Variants in USH2A observed in about 807,000 individuals in gnomAD.
USH2A encodes Usher syndrome 2A (autosomal recessive, mild).
Under a neutral mutation model 538.9 loss-of-function variants are expected in USH2A, and 443 were observed. That is an observed-to-expected ratio of 0.82 (90% CI 0.76 to 0.89). The LOEUF (loss-of-function observed/expected upper bound fraction) is 0.89, where lower values mean the gene tolerates loss of function less well. Among genes scored for constraint, USH2A ranks in the 40% least tolerant of loss-of-function variants. The probability of loss-of-function intolerance (pLI) is 0.00; values close to 1 mark genes in which losing one functional copy is unlikely to be tolerated. For missense variants in USH2A, 6,633 were observed against 6,324.8 expected (o/e 1.05, Z -1.65); for synonymous variants, 2,413 against 2,273.5 (o/e 1.06, Z -1.75).
At chr1:215,855,101 T>C (rs1664126451) in intron 44 of USH2A, among the ~76,000 whole-genome samples, 1 of 152,256 alleles carries the variant, frequency 6.6e-6, no homozygotes, top group East Asian at 1.9e-4. Flanking sequence ...TTAACTCCTA[T>C]ATCAATAGTA....
chr1:215,953,542 C>T (rs911467291), intron 37 of USH2A, among the ~76,000 whole-genome samples: 20 of 152,204 alleles, frequency 1.3e-4, no homozygotes, highest in African/African-American at 4.8e-4. Flanking sequence ...CCCTTCCTTA[C>T]ACCTTATACA....
chr1:215,696,076 C>A (rs1658799433), intron 61 of USH2A, among the ~76,000 whole-genome samples: 1 of 152,080 alleles, frequency 6.6e-6, no homozygotes, highest in African/African-American at 2.4e-5. Flanking sequence ...TCCCCCGGAA[C>A]TTAACTACTA....
intron 56 of USH2A, among the ~76,000 whole-genome samples, chr1:215,765,200 C>G (rs1432328488): frequency 6.6e-6 from 1 of 152,028 alleles, no homozygotes; most frequent in Non-Finnish European, 1.5e-5. Flanking sequence ...TTGATAGATC[C>G]TTTAGAAATT....
intron 61 of USH2A, among the ~76,000 whole-genome samples, chr1:215,680,812 C>T (rs1283083882): frequency 6.6e-6 from 1 of 152,198 alleles, no homozygotes; most frequent in African/African-American, 2.4e-5. Context: ...CTGAACACCC[C>T]TAATTTCCAA....
At chr1:215,806,774 TC>T (rs1197711303) in intron 49 of USH2A, among the ~76,000 whole-genome samples, 1 of 152,030 alleles carries the variant, frequency 6.6e-6, no homozygotes, top group Non-Finnish European at 1.5e-5. Context: ...CTCCCCCATT[TC>T]CCTGTAGTTC....
At chr1:216,099,483 TAA>T (rs1477350185) in intron 21 of USH2A, among the ~76,000 whole-genome samples, 9 of 151,954 alleles carry the variant, frequency 5.9e-5, no homozygotes, top group South Asian at 4.1e-4. Flanking sequence ...TGGAAGAAAT[TAA>T]AATTTGAGTG....
intron 35 of USH2A, among the ~76,000 whole-genome samples, chr1:215,979,160 C>G (rs1327880747): frequency 6.6e-6 from 1 of 152,076 alleles, no homozygotes; most frequent in Non-Finnish European, 1.5e-5. Flanking sequence ...CAGGGAACTC[C>G]CCTTTATAAA....
At chr1:215,627,972 T>G (rs533662931) in intron 71 of USH2A, among the ~76,000 whole-genome samples, 1 of 152,186 alleles carries the variant, frequency 6.6e-6, no homozygotes, top group African/African-American at 2.4e-5. Flanking sequence ...ATAAATGTTA[T>G]ATCACGAAGA....
chr1:215,908,199 T>G (rs1433200343), intron 38 of USH2A, among the ~76,000 whole-genome samples: 2 of 151,982 alleles, frequency 1.3e-5, no homozygotes, highest in African/African-American at 4.8e-5. Context: ...ATGTCCCTTT[T>G]GTTTTCAAGA....
intron 21 of USH2A, among the ~76,000 whole-genome samples, chr1:216,099,034 T>A (rs1303583337): frequency 6.6e-6 from 1 of 152,204 alleles, no homozygotes. Flanking sequence ...GAATGCTGTG[T>A]TCTAAGTCAT....
At chr1:215,788,782 A>G (rs186565821) in intron 51 of USH2A, among the ~76,000 whole-genome samples, 2 of 152,304 alleles carry the variant, frequency 1.3e-5, no homozygotes, top group African/African-American at 4.8e-5. Context: ...CTGGAATTGT[A>G]TATCAGACCA....
intron 64 of USH2A, among the ~76,000 whole-genome samples, chr1:215,655,663 A>T (rs188669843): frequency 4.6e-5 from 7 of 151,550 alleles, no homozygotes; most frequent in Admixed American, 3.9e-4. Flanking sequence ...AGAAGGGGAA[A>T]TGTATCAGAA....
intron 15 of USH2A, among the ~76,000 whole-genome samples, chr1:216,212,976 A>T (rs568853259): frequency 1.3e-5 from 2 of 152,262 alleles, no homozygotes; most frequent in South Asian, 4.1e-4. Context: ...GAGACACTGG[A>T]GAGCACATGG....
intron 51 of USH2A, 71 bp downstream of exon 51, chr1:215,789,988 A>G: frequency 6.9e-7 from 1 of 1,458,244 alleles, no homozygotes; most frequent in Non-Finnish European, 9.5e-7. Flanking sequence ...ATTTTAGAAA[A>G]ATAGTTATGA....
intron 32 of USH2A, among the ~76,000 whole-genome samples, chr1:216,023,482 A>AAAAAAAAAAAAAAAAAAAAAAAAAAAAAC (rs1668892172): frequency 7.7e-6 from 1 of 130,048 alleles, no homozygotes; most frequent in African/African-American, 2.9e-5. Context: ...AAAAAAAAAA[A>AAAAAAAAAAAAAAAAAAAAAAAAAAAAAC]TCAAAAAACA....
Position 216,376,998 on chromosome 1 carries a change from G to A in USH2A, c.652-11913C>T, listed in dbSNP as rs946550384. On this transcript the variant is annotated intron_variant, in intron 3 of 71. Transcript: ENST00000307340. ...ATTAATTTTATATTCTTAAAAGAAA[G>A]GCATGCTTTTCTGTAAGTACCTATG... Among the ~76,000 whole-genome samples, 168 of 151,990 alleles carry A rather than the reference G, an allele frequency of 1.1e-3. 3 individuals carry two copies. The highest frequency in any genetic ancestry group is 1.2e-4 in the Non-Finnish European group (8 of 67,994).
intron 15 of USH2A, among the ~76,000 whole-genome samples, chr1:216,207,699 A>G (rs895155281): frequency 7.8e-6 from 1 of 127,416 alleles, no homozygotes; most frequent in Non-Finnish European, 1.6e-5. Context: ...TACATTAAGC[A>G]TTTCTTTCTT....
chr1:215,836,501 ATATATT>A lies in USH2A; in HGVS notation c.9371+1484_9371+1489del, dbSNP rs1663511179. Among the ~76,000 whole-genome samples the A allele has an allele frequency of 1.6e-4, 3 of 18,826 alleles. 1 individual carries two copies. Among genetic ancestry groups the A allele is most frequent in the African/African-American group, 4.2e-4 (2 of 4,708 alleles). The allele number at this position is 18,826 out of a possible 152,430, so 12.4% of individuals were successfully genotyped here. ...ATATAATATATATTATATATATAAT[ATATATT>A]ATATATATATAATATATATTATATA... On this transcript the variant is annotated intron_variant, in intron 47 of 71. Coordinates refer to ENST00000307340, the MANE Select transcript of USH2A (RefSeq NM_206933.4).
chr1:215,662,827 A>C (rs1657485271), intron 64 of USH2A, among the ~76,000 whole-genome samples: 1 of 152,214 alleles, frequency 6.6e-6, no homozygotes, highest in Admixed American at 6.5e-5. Flanking sequence ...GCTGGTCGGA[A>C]ATACATTAGT....
Sources: gnomAD v4.1 joint callset for allele counts (sites outside exome capture counted in the v4.1 genomes callset) on GRCh38, gnomAD v4.1.1 for gene constraint, MANE v1.5 for transcripts, NCBI Gene and HGNC (gene_info 2026-07-23, HGNC 2026-07-21) for gene names.